Variants in LNX2 observed in about 807,000 individuals in gnomAD.
LNX2 encodes the protein ligand of numb-protein X 2, also known as ligand of Numb protein X 2.
LNX2 carries 35 observed loss-of-function variants against 66.2 expected under a neutral mutation model. The observed-to-expected ratio is 0.53, with a 90% CI of 0.40 to 0.70. The LOEUF (loss-of-function observed/expected upper bound fraction) is 0.70. Ranked by LOEUF, LNX2 falls within the 30% of genes least tolerant of loss-of-function variation. The pLI, the probability that LNX2 is intolerant of heterozygous loss-of-function variation, is 0.00. For missense variants in LNX2, 791 were observed against 850.8 expected, an observed-to-expected ratio of 0.93 and a Z score of 0.87; for synonymous variants, 337 against 315.6, an observed-to-expected ratio of 1.07 and a Z score of -0.72.
chr13:27,560,565 G>GTGTATATATATATATATATATATATA (rs35007288), intron 5 of LNX2, among the ~76,000 whole-genome samples: 69 of 120,000 alleles, frequency 5.7e-4, no homozygotes, highest in South Asian at 2.6e-3. Flanking sequence ...ATGTATGTGT[G>GTGTATATATATATATATATATATATA]TATATATATA....
At chr13:27,575,827 G>A (rs1229198954) in intron 2 of LNX2, among the ~76,000 whole-genome samples, 1 of 151,740 alleles carries the variant, frequency 6.6e-6, no homozygotes, top group Admixed American at 6.6e-5. Flanking sequence ...TAAGCCCCAG[G>A]GTAACCACTA....
intron 1 of LNX2, among the ~76,000 whole-genome samples, chr13:27,592,912 G>T (rs1264802027): frequency 6.6e-6 from 1 of 152,232 alleles, no homozygotes; most frequent in African/African-American, 2.4e-5. Flanking sequence ...TGGTGACCTT[G>T]ATAGAGTTTT....
At chr13:27,556,467 AAAGTT>A in intron 6 of LNX2, 54 bp from the exon 7 acceptor site, 1 of 1,472,780 alleles carries the variant, frequency 6.8e-7, no homozygotes, top group Non-Finnish European at 9.4e-7. Flanking sequence ...TAGTTGAAGT[AAAGTT>A]ATTACTTCAA....
chr13:27,592,321 C>T (rs1393720314), intron 1 of LNX2, among the ~76,000 whole-genome samples: 1 of 152,022 alleles, frequency 6.6e-6, no homozygotes, highest in Non-Finnish European at 1.5e-5. Flanking sequence ...ATACAGTTTG[C>T]TGATTAATAA....
Position 27,562,816 on chromosome 13 carries a change from C to T in LNX2, c.856-35G>A, listed in dbSNP as rs966668010. ...AAGAATTGTGACCGAAGTGTGACAA[C>T]CTTTTATTTTTCCAATTTGTAGGAA... is the stretch of plus-strand genomic sequence containing the variant. On this transcript the variant is annotated intron_variant, in intron 4 of 9. Transcript: ENST00000316334. 8.3e-6 allele frequency: 13 copies of T among 1,569,704 alleles called. No homozygotes were observed. In the African/African-American group the frequency reaches 1.2e-4, roughly 15 times the overall value.
intron 2 of LNX2, among the ~76,000 whole-genome samples, chr13:27,580,430 A>G (rs1438908400): frequency 1.3e-5 from 2 of 152,188 alleles, no homozygotes; most frequent in Non-Finnish European, 2.9e-5. Flanking sequence ...TTTTCACAGC[A>G]ATCGAGATTA....
rs781240235 is a variant in LNX2 at position 27,562,690 on chromosome 13, C to T, written c.947G>A (p.Arg316Gln). 2.5e-6 allele frequency: 4 copies of T among 1,614,122 alleles called. No homozygotes were observed. Among genetic ancestry groups the T allele is most frequent in the East Asian group, 2.2e-5 (1 of 44,880 alleles). Residue 316 changes from arginine to glutamine, a missense_variant, in exon 5 of 10, where the codon CGA becomes CAA. By Grantham distance (43) the Arg-to-Gln change is conservative. Coordinates refer to ENST00000316334, the MANE Select transcript of LNX2 (RefSeq NM_153371.4). The part of the protein sequence containing the change: ...PCNTLHLTVL[R>Q]ERRFGNRAHN... ...TGCTCGGTTGCCAAAGCGCCTCTCT[C>T]GAAGCACAGTAAGATGCAGTGTGTT...
At chr13:27,584,995 G>A (rs185616764) in intron 1 of LNX2, among the ~76,000 whole-genome samples, 1 of 151,910 alleles carries the variant, frequency 6.6e-6, no homozygotes, top group African/African-American at 2.4e-5. Flanking sequence ...GTGGGTGGCT[G>A]TAGTCCCAAC....
intron 1 of LNX2, among the ~76,000 whole-genome samples, chr13:27,616,667 G>A (rs1248613758): frequency 6.6e-6 from 1 of 152,222 alleles, no homozygotes; most frequent in Admixed American, 6.5e-5. Flanking sequence ...CATTCTAAAG[G>A]ATAGAACCTA....
At chr13:27,586,220 C>G (rs1211037486) in intron 1 of LNX2, among the ~76,000 whole-genome samples, 1 of 151,830 alleles carries the variant, frequency 6.6e-6, no homozygotes, top group Non-Finnish European at 1.5e-5. Context: ...AATGTTCACA[C>G]AGATTTTATT....
chr13:27,594,680 C>T (rs529386463), intron 1 of LNX2, among the ~76,000 whole-genome samples: 1 of 152,184 alleles, frequency 6.6e-6, no homozygotes, highest in South Asian at 2.1e-4. Flanking sequence ...TCTTTATTCC[C>T]CTCTAAATGA....
At chr13:27,614,003 A>G (rs80249481) in intron 1 of LNX2, among the ~76,000 whole-genome samples, 6 of 152,238 alleles carry the variant, frequency 3.9e-5, no homozygotes, top group East Asian at 1.9e-4. Context: ...TGCAAAAATT[A>G]TATCAGTGAA....
chr13:27,599,858 TGGTTAAC>T (rs1267185939), intron 1 of LNX2, among the ~76,000 whole-genome samples: 2 of 152,326 alleles, frequency 1.3e-5, no homozygotes, highest in African/African-American at 4.8e-5. Context: ...TTGTGGGTCT[TGGTTAAC>T]AATGGCAGCA....
intron 1 of LNX2, among the ~76,000 whole-genome samples, chr13:27,589,530 G>A (rs887482121): frequency 2.0e-5 from 3 of 151,922 alleles, no homozygotes; most frequent in African/African-American, 4.8e-5. Flanking sequence ...TATAAGGGAG[G>A]TCAAATTGTG....
chr13:27,553,499 T>C (rs1955028259), intron 7 of LNX2, 60 bp from the exon 8 acceptor site: 1 of 1,304,688 alleles, frequency 7.7e-7, no homozygotes, highest in Non-Finnish European at 1.1e-6. Context: ...CCTGCAAATC[T>C]TGTTGTTTAT....
intron 1 of LNX2, among the ~76,000 whole-genome samples, chr13:27,597,201 G>A (rs777014824): frequency 1.3e-5 from 2 of 152,006 alleles, no homozygotes; most frequent in Non-Finnish European, 1.5e-5. Context: ...CAATAAAAAC[G>A]GCACTCAATA....
At chr13:27,556,932 C>G (rs1955069024) in intron 6 of LNX2, among the ~76,000 whole-genome samples, 1 of 152,144 alleles carries the variant, frequency 6.6e-6, no homozygotes, top group Admixed American at 6.6e-5. Context: ...AGATGCAAAT[C>G]TACCTTCAAA....
intron 1 of LNX2, among the ~76,000 whole-genome samples, chr13:27,587,649 T>C (rs1174154564): frequency 6.6e-6 from 1 of 152,152 alleles, no homozygotes; most frequent in Non-Finnish European, 1.5e-5. Flanking sequence ...GGGAAAAAAG[T>C]TTCCTTACTT....
At chr13:27,568,916 GTTTATT>G (rs1320644108) in intron 3 of LNX2, 107 bp downstream of exon 3, 19 of 1,144,504 alleles carry the variant, frequency 1.7e-5, no homozygotes, top group Admixed American at 2.9e-5. Context: ...TTTTATTTCT[GTTTATT>G]TTTATTTTTT....
Sources: allele counts gnomAD v4.1 joint callset (sites outside exome capture counted in the v4.1 genomes callset), GRCh38; gene constraint gnomAD v4.1.1; transcripts MANE v1.5; gene names NCBI Gene and HGNC (gene_info 2026-07-23, HGNC 2026-07-21).